SRRM4: variants seen among roughly 807,000 people sequenced by gnomAD.
SRRM4 encodes the protein serine/arginine repetitive matrix protein 4.
A neutral mutation model predicts 68.9 loss-of-function variants in SRRM4; 33 were observed. The observed-to-expected ratio is 0.48, with a 90% CI of 0.36 to 0.64. SRRM4 has a LOEUF of 0.64. SRRM4 is among the 30% of genes least tolerant of loss of function. The pLI is 0.00. For missense variants in SRRM4, 817 were observed against 827.1 expected (o/e 0.99, Z 0.15); for synonymous variants, 318 against 318.8 (o/e 1.00, Z 0.03).
chr12:119,017,689 A>G (rs1953490689), intron 1 of SRRM4, among the ~76,000 whole-genome samples: 1 of 152,108 alleles, frequency 6.6e-6, no homozygotes, highest in African/African-American at 2.4e-5. Context: ...GGCAGTCGAG[A>G]GTGAAGGTTT....
At chr12:118,994,446 C>A (rs1158958682) in intron 1 of SRRM4, among the ~76,000 whole-genome samples, 1 of 152,186 alleles carries the variant, frequency 6.6e-6, no homozygotes, top group East Asian at 1.9e-4. Context: ...TTTCAGCCAC[C>A]CTGATGTTTA....
In SRRM4 at chr12:119,162,383, C is replaced by G. The variant is rs1048741725; in HGVS notation, c.*5585C>G. On this transcript the variant is annotated 3_prime_UTR_variant, in exon 13 of 13. Transcript: ENST00000267260. ...TAAGCCCCGTGGTCCAAAGTCATCA[C>G]GGGAGAGACCAAGATGGGCTTACCT... The G allele has an allele frequency of 1.3e-5, 2 of 152,196 alleles. No homozygotes were observed. The highest frequency in any genetic ancestry group is 2.9e-5 in the Non-Finnish European group (2 of 68,038). The allele number at this position is 152,196 out of a possible 1,614,324, so 9.4% of individuals were successfully genotyped here.
intron 2 of SRRM4, among the ~76,000 whole-genome samples, chr12:119,106,217 T>C (rs76952567): frequency 0.077 from 11,728 of 152,268 alleles, 509 homozygotes; most frequent in Admixed American, 0.1. Flanking sequence ...TGTAGCCTTG[T>C]AGTATAGTTT....
chr12:119,116,852 T>C lies in SRRM4; in HGVS notation c.366-85T>C, dbSNP rs1954182881. 3.6e-6 allele frequency: 4 copies of C among 1,113,594 alleles called. No individual in the cohort carries two copies. The Admixed American group carries it at 6.0e-5, about 17-fold the overall frequency. The allele number at this position is 1,113,594 out of a possible 1,614,324, so 69.0% of individuals were successfully genotyped here. On this transcript the variant is annotated intron_variant, in intron 3 of 12. Coordinates refer to ENST00000267260, the MANE Select transcript of SRRM4 (RefSeq NM_194286.4). ...TGTTCCTGCAAGAGCTAAAACCCTG[T>C]ATAAGGACTGGGGAAGGTTCTTTTT...
chr12:119,052,000 C>T (rs1250053263), intron 1 of SRRM4, among the ~76,000 whole-genome samples: 1 of 152,186 alleles, frequency 6.6e-6, no homozygotes, highest in African/African-American at 2.4e-5. Context: ...AATGACTTAC[C>T]AGTGGCCACA....
In SRRM4 at chr12:119,083,020, G is replaced by A. The variant is rs115678445; in HGVS notation, c.132-19216G>A. Among the ~76,000 whole-genome samples, 349 of 152,318 alleles carry A rather than the reference G, an allele frequency of 2.3e-3. 3 individuals carry two copies. Among genetic ancestry groups the A allele is most frequent in the African/African-American group, 7.9e-3 (330 of 41,566 alleles). On this transcript the variant is annotated intron_variant, in intron 1 of 12. Coordinates refer to ENST00000267260, the MANE Select transcript of SRRM4 (RefSeq NM_194286.4). Reference sequence around the variant, plus strand: ...AGGAGAGGAGGATTTGATAAGGGGAGTGAAGTCTGGTGTTTCCTTCAATTC... The same window carrying A: ...AGGAGAGGAGGATTTGATAAGGGGAATGAAGTCTGGTGTTTCCTTCAATTC...
At chr12:119,064,282 G>A (rs776305027) in intron 1 of SRRM4, among the ~76,000 whole-genome samples, 27 of 152,170 alleles carry the variant, frequency 1.8e-4, no homozygotes, top group Non-Finnish European at 4.4e-5. Context: ...AATTTAACAA[G>A]CTATGTTATT....
chr12:119,089,996 C>A (rs994281085), intron 1 of SRRM4, among the ~76,000 whole-genome samples: 4 of 152,062 alleles, frequency 2.6e-5, no homozygotes, highest in Non-Finnish European at 4.4e-5. Flanking sequence ...GGTCACACAG[C>A]CAGGAAGCAG....
intron 1 of SRRM4, among the ~76,000 whole-genome samples, chr12:118,986,731 G>T (rs1181222989): frequency 6.6e-6 from 1 of 152,010 alleles, no homozygotes; most frequent in South Asian, 2.1e-4. Context: ...ATGCCACTTG[G>T]ATGTGCTTTC....
chr12:119,061,484 C>A (rs1025709862), intron 1 of SRRM4, among the ~76,000 whole-genome samples: 8 of 152,114 alleles, frequency 5.3e-5, no homozygotes, highest in Admixed American at 5.2e-4. Flanking sequence ...CTGTTGCAGC[C>A]GTCCTTGCCT....
At chr12:119,038,944 C>T (rs749930155) in intron 1 of SRRM4, among the ~76,000 whole-genome samples, 2 of 152,222 alleles carry the variant, frequency 1.3e-5, no homozygotes, top group African/African-American at 2.4e-5. Flanking sequence ...CAGCTGATCC[C>T]TTGAGGTGGA....
chr12:119,125,946 G>GAGAA (rs1954256394), intron 7 of SRRM4, among the ~76,000 whole-genome samples: 1 of 142,942 alleles, frequency 7.0e-6, no homozygotes. Context: ...ACAAAAACAA[G>GAGAA]AGAAAGGGCT....
In SRRM4 at chr12:119,154,471, T is replaced by G; in HGVS notation, c.1532+88T>G. ...TCGAGCCTCAGGCTCTCCCTAGGCC[T>G]CCTTGGGGCTGGGATTTAGGATTGT... On this transcript the variant is annotated intron_variant, in intron 12 of 12. Coordinates refer to ENST00000267260, the MANE Select transcript of SRRM4 (RefSeq NM_194286.4). This position sits in a 1 kb window ranked among gnomAD's most constrained non-coding sequence, Gnocchi z 4.7. 4 of 1,436,014 alleles carry G rather than the reference T, an allele frequency of 2.8e-6. No homozygotes were observed. Among genetic ancestry groups the G allele is most frequent in the Non-Finnish European group, 3.8e-6 (4 of 1,046,602 alleles). The allele number at this position is 1,436,014 out of a possible 1,614,324, so 89.0% of individuals were successfully genotyped here.
At chr12:119,014,852 C>A (rs1485522523) in intron 1 of SRRM4, among the ~76,000 whole-genome samples, 1 of 152,152 alleles carries the variant, frequency 6.6e-6, no homozygotes, top group Non-Finnish European at 1.5e-5. Context: ...CGAAAGTACC[C>A]TGCAACCCAA....
In SRRM4 at chr12:119,151,231, T is replaced by C. The variant is rs1346671055; in HGVS notation, c.1280+11T>C. 2 of 1,611,382 alleles carry C rather than the reference T, an allele frequency of 1.2e-6. No homozygotes were observed. The highest frequency in any genetic ancestry group is 1.7e-6 in the Non-Finnish European group (2 of 1,177,632). On this transcript the variant is annotated intron_variant, in intron 10 of 12. Transcript: ENST00000267260. ...CTCTTCTGAAAAAAGGTGAGTGTGG[T>C]TTTGACCTTTGCTCTGCAGCACCTT...
chr12:119,098,515 T>C (rs1954058678), intron 1 of SRRM4, among the ~76,000 whole-genome samples: 1 of 152,264 alleles, frequency 6.6e-6, no homozygotes, highest in Admixed American at 6.5e-5. Context: ...AAATATTGCC[T>C]GATGTTCACT....
intron 1 of SRRM4, among the ~76,000 whole-genome samples, chr12:119,091,116 C>T (rs976890606): frequency 3.3e-5 from 5 of 152,284 alleles, no homozygotes; most frequent in Admixed American, 2.0e-4. Context: ...GCCTCTGGCA[C>T]GAGTGTGTGT....
intron 1 of SRRM4, among the ~76,000 whole-genome samples, chr12:119,047,285 G>A (rs2030829): frequency 0.88 from 133,786 of 152,172 alleles, 59,157 homozygotes; most frequent in Middle Eastern, 0.95. Flanking sequence ...CCACATCCAA[G>A]CTCAATGTTC....
chr12:119,100,850 G>C lies in SRRM4; in HGVS notation c.132-1386G>C, dbSNP rs535875705. ...GGAGGGAGGTTTAGGGAAAACTGAG[G>C]CTGAGCAGGATGGAAGGGAGTTCTG... is the stretch of plus-strand genomic sequence containing the variant. On this transcript the variant is annotated intron_variant, in intron 1 of 12. Coordinates refer to ENST00000267260, the MANE Select transcript of SRRM4 (RefSeq NM_194286.4). Among the ~76,000 whole-genome samples the C allele has an allele frequency of 1.3e-4, 20 of 152,290 alleles. No individual in the cohort carries two copies. The East Asian group carries it at 3.9e-3, about 29-fold the overall frequency.
Sources: allele counts gnomAD v4.1 joint callset (sites outside exome capture counted in the v4.1 genomes callset), GRCh38; gene constraint gnomAD v4.1.1; non-coding constraint Gnocchi (gnomAD v3.1); transcripts MANE v1.5; gene names NCBI Gene and HGNC (gene_info 2026-07-23, HGNC 2026-07-21).